The following SMAD2 variants were observed in gnomAD, a reference collection of about 807,000 sequenced individuals.
The protein encoded by SMAD2 is SMAD family member 2, also known as MAD homolog 2.
Under a neutral mutation model 64.4 loss-of-function variants are expected in SMAD2, and 8 were observed. The ratio of observed to expected loss-of-function variants is 0.12; its 90% CI spans 0.07 to 0.22. The LOEUF is 0.22. SMAD2 is among the 10% of genes least tolerant of loss of function. The pLI is 1.00. For synonymous variants in SMAD2, 203 were observed against 195.8 expected, an observed-to-expected ratio of 1.04 and a Z score of -0.31; for missense variants, 289 against 561.2, an observed-to-expected ratio of 0.51 and a Z score of 4.90.
At chr18:47,883,919 C>T (rs2032750051) in intron 2 of SMAD2, among the ~76,000 whole-genome samples, 1 of 152,224 alleles carries the variant, frequency 6.6e-6, no homozygotes, top group Non-Finnish European at 1.5e-5. Context: ...TCTTCCCCTT[C>T]TGCCTCGAAT....
intron 6 of SMAD2, among the ~76,000 whole-genome samples, chr18:47,856,839 T>C (rs1241301297): frequency 6.6e-6 from 1 of 151,650 alleles, no homozygotes; most frequent in Non-Finnish European, 1.5e-5. Flanking sequence ...TTTCCTATTT[T>C]GCCTAACTAT....
chr18:47,856,777 C>A (rs1358404958), intron 6 of SMAD2, among the ~76,000 whole-genome samples: 4 of 151,260 alleles, frequency 2.6e-5, no homozygotes, highest in Non-Finnish European at 5.9e-5. Flanking sequence ...AAAAGTTGAA[C>A]CTTTTAAAAT....
chr18:47,897,954 G>A (rs533306463), intron 1 of SMAD2, among the ~76,000 whole-genome samples: 2 of 152,302 alleles, frequency 1.3e-5, no homozygotes, highest in Admixed American at 6.5e-5. Flanking sequence ...AAAGAGGTCT[G>A]TAGTCTTTAC....
chr18:47,845,766 T>G lies in SMAD2; in HGVS notation c.1032A>C (p.Glu344Asp). The G allele has an allele frequency of 6.2e-7, 1 of 1,613,788 alleles. No homozygotes were observed. The highest frequency in any genetic ancestry group is 8.5e-7 in the Non-Finnish European group (1 of 1,179,750). Residue 344 changes from glutamate (E) to aspartate (D), a missense_variant, in exon 9 of 11, where the codon GAA becomes GAC. Around this residue, in one of 6 missense-constraint regions of SMAD2, gnomAD observed 49 missense variants for 101.1 expected, o/e 0.48. Coordinates refer to ENST00000262160, the MANE Select transcript of SMAD2 (RefSeq NM_005901.6). ...TATCACTTAGGCACTCAGCAAAAAC[T>G]TCCCCACCTATGTAGTATAAGCGCA... ...RGVRLYYIGG[E>D]VFAECLSDSA...
At chr18:47,865,010 A>C (rs2031454806) in intron 6 of SMAD2, 49 bp downstream of exon 6, 1 of 1,062,904 alleles carries the variant, frequency 9.4e-7, no homozygotes, top group Admixed American at 1.7e-5. Flanking sequence ...AAACAATACA[A>C]GAAATGTATA....
intron 2 of SMAD2, among the ~76,000 whole-genome samples, chr18:47,883,242 T>A (rs1212827974): frequency 2.0e-5 from 3 of 152,242 alleles, no homozygotes; most frequent in Non-Finnish European, 4.4e-5. Flanking sequence ...GAAATATATT[T>A]TACCTCATTT....
rs1199890155 is a variant in SMAD2, at chr18:47,811,154, C to G, written c.*30673G>C. ...TGAAAACTTCAGATCTTATGGCCTG[C>G]CACACTGGAAGGCCTACTCTGATTT... is the stretch of plus-strand genomic sequence containing the variant. On this transcript the variant is annotated 3_prime_UTR_variant, in exon 11 of 11. Coordinates refer to ENST00000262160, the MANE Select transcript of SMAD2 (RefSeq NM_005901.6). 1 of 152,162 alleles carries G rather than the reference C, an allele frequency of 6.6e-6. No individual in the cohort carries two copies. Among genetic ancestry groups the G allele is most frequent in the East Asian group, 1.9e-4 (1 of 5,166 alleles). The allele number at this position is 152,162 out of a possible 1,614,324, so 9.4% of individuals were successfully genotyped here. A position where few individuals can be genotyped will look rare whatever the true frequency, so the allele number is the denominator to read the frequency against.
rs1321584817 is a variant in SMAD2 at position 47,811,667 on chromosome 18, AACAG to A, written c.*30156_*30159del. 5.3e-5 allele frequency: 8 copies of A among 152,052 alleles called. No individual in the cohort carries two copies. Among genetic ancestry groups the A allele is most frequent in the Admixed American group, 5.2e-4 (8 of 15,260 alleles). The allele number at this position is 152,052 out of a possible 1,614,324, so 9.4% of individuals were successfully genotyped here. A position where few individuals can be genotyped will look rare whatever the true frequency, so the allele number is the denominator to read the frequency against. On this transcript the variant is annotated 3_prime_UTR_variant, in exon 11 of 11. Transcript: ENST00000262160. The stretch of plus-strand genomic sequence containing the variant: ...AGTTCATCAGAACCTTTGATCACAA[AACAG>A]ACAATGAGAGCAGCTGATCAAAATG...
intron 2 of SMAD2, among the ~76,000 whole-genome samples, chr18:47,870,990 C>T (rs551986563): frequency 2.0e-5 from 3 of 152,244 alleles, no homozygotes; most frequent in African/African-American, 2.4e-5. Context: ...TAAAAATAGA[C>T]ATGCATCCAC....
chr18:47,924,104 C>T (rs1470493489), intron 1 of SMAD2, among the ~76,000 whole-genome samples: 2 of 151,850 alleles, frequency 1.3e-5, no homozygotes, highest in African/African-American at 2.4e-5. Flanking sequence ...CAAAATTAGC[C>T]GGACATGGTG....
rs1462815443 is a variant in SMAD2 at position 47,828,499 on chromosome 18, A to AT, written c.*13327_*13328insA. The stretch of plus-strand genomic sequence containing the variant: ...GGTTTTGTCGAATAGAAAAGGGGGA[A>AT]ATGTGGGGAAAGGAAAGAGAGATCA... On this transcript the variant is annotated 3_prime_UTR_variant, in exon 11 of 11. Transcript: ENST00000262160. 1 of 170,038 alleles carries AT rather than the reference A, an allele frequency of 5.9e-6. No individual in the cohort carries two copies. The highest frequency in any genetic ancestry group is 2.4e-5 in the African/African-American group (1 of 41,688). 10.5% of individuals were successfully genotyped at this position (170,038 alleles called of 1,614,324 possible).
chr18:47,868,352 C>G lies in SMAD2; in HGVS notation c.626G>C (p.Gly209Ala). 1.2e-6 allele frequency: 2 copies of G among 1,612,934 alleles called. No individual in the cohort carries two copies. Among genetic ancestry groups the G allele is most frequent in the Non-Finnish European group, 1.7e-6 (2 of 1,179,414 alleles). The change falls in exon 5 of 11, where the codon GGA (glycine) becomes GCA (alanine). Residue 209 changes from glycine to alanine, a missense_variant. Coordinates refer to ENST00000262160, the MANE Select transcript of SMAD2 (RefSeq NM_005901.6). ...SIPENTNFPA[G>A]IEPQSNYIPE... ...AATATAATTACTCTGTGGCTCAATT[C>G]CTGCTGGGAAGTTAGTGTTTTCTGG...
chr18:47,893,493 G>A (rs538897540), intron 2 of SMAD2, among the ~76,000 whole-genome samples: 1 of 152,252 alleles, frequency 6.6e-6, no homozygotes, highest in South Asian at 2.1e-4. Flanking sequence ...AACCATAAAG[G>A]CACTTTACTA....
Position 47,830,005 on chromosome 18 carries a change from C to T in SMAD2, c.*11822G>A, listed in dbSNP as rs1216350670. 1 of 152,148 alleles carries T rather than the reference C, an allele frequency of 6.6e-6. No individual in the cohort carries two copies. The highest frequency in any genetic ancestry group is 1.5e-5 in the Non-Finnish European group (1 of 68,018). 9.4% of individuals were successfully genotyped at this position (152,148 alleles called of 1,614,324 possible). A position where few individuals can be genotyped will look rare whatever the true frequency, so the allele number is the denominator to read the frequency against. On this transcript the variant is annotated 3_prime_UTR_variant, in exon 11 of 11. Coordinates refer to ENST00000262160, the MANE Select transcript of SMAD2 (RefSeq NM_005901.6). ...CCCCACTGACAACTTCAAAGCATAGCAAGAATCCACAGTGGTTTGCAGGCC... is the reference window on the plus strand; with the variant it reads ...CCCCACTGACAACTTCAAAGCATAGTAAGAATCCACAGTGGTTTGCAGGCC...
intron 1 of SMAD2, among the ~76,000 whole-genome samples, chr18:47,904,184 G>C (rs1351940360): frequency 1.3e-5 from 2 of 150,372 alleles, no homozygotes; most frequent in African/African-American, 4.9e-5. Flanking sequence ...GGCCTCAACT[G>C]AGTGCTCTTG....
intron 6 of SMAD2, among the ~76,000 whole-genome samples, chr18:47,864,760 T>C (rs1273012804): frequency 6.6e-6 from 1 of 152,184 alleles, no homozygotes; most frequent in Non-Finnish European, 1.5e-5. Flanking sequence ...ATAGGGTTAC[T>C]AAAATTTTCA....
In SMAD2 at chr18:47,830,647, GTCA is replaced by G. The variant is rs1912952166; in HGVS notation, c.*11177_*11179del. ...TAAATGGCAAACCATTTAGAAGTGA[GTCA>G]TCATTTGTATTAAAATCTTATTTAC... On this transcript the variant is annotated 3_prime_UTR_variant, in exon 11 of 11. Coordinates refer to ENST00000262160, the MANE Select transcript of SMAD2 (RefSeq NM_005901.6). 1 of 151,796 alleles carries G rather than the reference GTCA, an allele frequency of 6.6e-6. No individual in the cohort carries two copies. The highest frequency in any genetic ancestry group is 2.1e-4 in the South Asian group (1 of 4,816). 9.4% of individuals were successfully genotyped at this position (151,796 alleles called of 1,614,324 possible).
chr18:47,911,613 T>G (rs2034138288), intron 1 of SMAD2, among the ~76,000 whole-genome samples: 1 of 152,240 alleles, frequency 6.6e-6, no homozygotes, highest in African/African-American at 2.4e-5. Flanking sequence ...GTTCAAACAC[T>G]AAAAATTTGA....
chr18:47,907,580 G>A (rs2033955062), intron 1 of SMAD2, among the ~76,000 whole-genome samples: 1 of 152,088 alleles, frequency 6.6e-6, no homozygotes. Flanking sequence ...TTATTCCCTC[G>A]CTCCTGTAAA....
Sources: gnomAD v4.1 joint callset for allele counts (sites outside exome capture counted in the v4.1 genomes callset) on GRCh38, gnomAD v4.1.1 for gene constraint, gnomAD v4.1.1 regional missense constraint, MANE v1.5 for transcripts, NCBI Gene and HGNC (gene_info 2026-07-23, HGNC 2026-07-21) for gene names.